Variants in AFG1L observed in about 807,000 individuals in gnomAD.
AFG1L encodes AFG1-like ATPase.
In AFG1L, 53 loss-of-function variants were observed where a neutral mutation model predicts 62.2. That is an observed-to-expected ratio of 0.85 (90% confidence interval 0.68 to 1.07). The LOEUF (loss-of-function observed/expected upper bound fraction) is 1.07. AFG1L is among the 50% of genes least tolerant of loss of function. AFG1L has a pLI of 0.00. For synonymous variants in AFG1L, 228 were observed against 210.3 expected (o/e 1.08, Z -0.73); for missense variants, 555 against 590.5 (o/e 0.94, Z 0.62).
chr6:108,379,466 C>T (rs1028129919), intron 6 of AFG1L, among the ~76,000 whole-genome samples: 9 of 152,220 alleles, frequency 5.9e-5, no homozygotes, highest in South Asian at 2.1e-4. Context: ...TTGCTCCAGG[C>T]GATTAGCTGA....
At chr6:108,492,546 A>G (rs1348134684) in intron 10 of AFG1L, among the ~76,000 whole-genome samples, 1 of 152,222 alleles carries the variant, frequency 6.6e-6, no homozygotes, top group Non-Finnish European at 1.5e-5. Flanking sequence ...AGTCTGGACA[A>G]TCAGATATCA....
At chr6:108,326,820 C>T (rs1409557347) in intron 2 of AFG1L, among the ~76,000 whole-genome samples, 2 of 152,016 alleles carry the variant, frequency 1.3e-5, no homozygotes, top group Non-Finnish European at 2.9e-5. Context: ...ATTAGCCAGG[C>T]GTGGTGGCAG....
intron 8 of AFG1L, among the ~76,000 whole-genome samples, chr6:108,467,812 G>A (rs777436901): frequency 2.0e-5 from 3 of 152,200 alleles, no homozygotes; most frequent in Non-Finnish European, 4.4e-5. Context: ...CACATAAAAT[G>A]TAATAAATAC....
intron 5 of AFG1L, among the ~76,000 whole-genome samples, chr6:108,365,855 ATC>A (rs1472657028): frequency 1.3e-5 from 2 of 151,826 alleles, no homozygotes; most frequent in Non-Finnish European, 2.9e-5. Flanking sequence ...TTATTTTTTC[ATC>A]TCTCTTTTTT....
intron 6 of AFG1L, among the ~76,000 whole-genome samples, chr6:108,389,114 C>A (rs1025658635): frequency 1.3e-5 from 2 of 152,100 alleles, no homozygotes; most frequent in African/African-American, 4.8e-5. Flanking sequence ...TTGAATTGAT[C>A]CCTTTACCAT....
intron 10 of AFG1L, among the ~76,000 whole-genome samples, chr6:108,504,800 C>T (rs1477946468): frequency 1.3e-5 from 2 of 152,176 alleles, no homozygotes; most frequent in African/African-American, 4.8e-5. Context: ...TTGGTATGCA[C>T]TAAGCAATCT....
At chr6:108,407,262 G>T (rs758136848) in intron 7 of AFG1L, among the ~76,000 whole-genome samples, 1 of 152,134 alleles carries the variant, frequency 6.6e-6, no homozygotes, top group African/African-American at 2.4e-5. Context: ...AAAGTTTTAC[G>T]TTTTGTTAAG....
At position 108,301,168 on chromosome 6, in the gene AFG1L, A is replaced by G. The variant is rs116221528; in HGVS notation, c.139+5950A>G. On this transcript the variant is annotated intron_variant, in intron 1 of 12. Coordinates refer to ENST00000368977, the MANE Select transcript of AFG1L (RefSeq NM_145315.5). The stretch of plus-strand genomic sequence containing the variant: ...GTAAGGCCAACCAGGGGTCACTCTC[A>G]TCGCCATCTTGGTTTTGCCTGGCTT... Among the ~76,000 whole-genome samples, 1,468 of 152,248 alleles carry G rather than the reference A, an allele frequency of 9.6e-3. 19 individuals carry two copies. The highest frequency in any genetic ancestry group is 0.034 in the African/African-American group (1,404 of 41,540).
chr6:108,478,531 G>A (rs1773214378), intron 10 of AFG1L, among the ~76,000 whole-genome samples: 1 of 152,242 alleles, frequency 6.6e-6, no homozygotes, highest in South Asian at 2.1e-4. Context: ...GTTAGTGAAA[G>A]TCATTCTGGG....
At chr6:108,311,018 T>C (rs1355425305) in intron 1 of AFG1L, among the ~76,000 whole-genome samples, 2 of 152,172 alleles carry the variant, frequency 1.3e-5, no homozygotes, top group Admixed American at 6.6e-5. Flanking sequence ...TCCAGTATCC[T>C]TCTTTTTGGC....
rs57304886 is a variant in AFG1L, at chr6:108,399,178, G to GTTTTT, written c.749-2794_749-2790dup. Among the ~76,000 whole-genome samples, 63 of 62,232 alleles carry GTTTTT rather than the reference G, an allele frequency of 1.0e-3. 5 individuals are homozygous for GTTTTT. Among genetic ancestry groups the GTTTTT allele is most frequent in the African/African-American group, 4.2e-3 (62 of 14,926 alleles). 40.8% of individuals were successfully genotyped at this position (62,232 alleles called of 152,430 possible). On this transcript the variant is annotated intron_variant, in intron 6 of 12. Transcript: ENST00000368977. The stretch of plus-strand genomic sequence containing the variant: ...CAAAGATCTGTCACTTCTTTTGTTT[G>GTTTTT]TTTTTTTTTTTTTTTTTTTTTTTTT...
chr6:108,321,059 C>T (rs1777795294), intron 1 of AFG1L, among the ~76,000 whole-genome samples: 1 of 152,146 alleles, frequency 6.6e-6, no homozygotes, highest in South Asian at 2.1e-4. Context: ...GATTCTGGCA[C>T]TCTTTATTTG....
chr6:108,307,146 T>C (rs1777229838), intron 1 of AFG1L, among the ~76,000 whole-genome samples: 1 of 151,994 alleles, frequency 6.6e-6, no homozygotes, highest in African/African-American at 2.4e-5. Context: ...CCTGAGTAGC[T>C]GGGATTACAG....
chr6:108,395,515 C>A lies in AFG1L; in HGVS notation c.749-6481C>A, dbSNP rs139011309. Among the ~76,000 whole-genome samples, 32 of 150,812 alleles carry A rather than the reference C, an allele frequency of 2.1e-4. No homozygotes were observed. The East Asian group carries it at 6.3e-3, about 30-fold the overall frequency. On this transcript the variant is annotated intron_variant, in intron 6 of 12. Coordinates refer to ENST00000368977, the MANE Select transcript of AFG1L (RefSeq NM_145315.5). ...CTCTCAGGTTCAGGTGAGCCTCCCA[C>A]CTCATCTTCCTGAGTAGCTGAAGCT...
At chr6:108,332,739 C>T (rs1379531117) in intron 2 of AFG1L, among the ~76,000 whole-genome samples, 1 of 152,060 alleles carries the variant, frequency 6.6e-6, no homozygotes, top group Non-Finnish European at 1.5e-5. Context: ...TCCCCAGTAG[C>T]AGGGACTACA....
At chr6:108,410,342 C>T (rs1054476926) in intron 7 of AFG1L, among the ~76,000 whole-genome samples, 1 of 151,786 alleles carries the variant, frequency 6.6e-6, no homozygotes, top group South Asian at 2.1e-4. Flanking sequence ...TGATGCACAA[C>T]TGAACCTGAA....
intron 11 of AFG1L, among the ~76,000 whole-genome samples, chr6:108,514,115 G>A (rs374313883): frequency 3.3e-5 from 5 of 152,132 alleles, no homozygotes; most frequent in Admixed American, 1.3e-4. Context: ...CCATCTGTAC[G>A]TCACCATCAT....
intron 10 of AFG1L, among the ~76,000 whole-genome samples, chr6:108,478,431 C>T (rs188741944): frequency 6.6e-5 from 10 of 152,266 alleles, no homozygotes; most frequent in East Asian, 5.8e-4. Flanking sequence ...TGCGAGACTC[C>T]GTCTCGAAAA....
intron 7 of AFG1L, among the ~76,000 whole-genome samples, chr6:108,425,008 A>T (rs1321695180): frequency 1.3e-5 from 2 of 152,180 alleles, no homozygotes; most frequent in Non-Finnish European, 2.9e-5. Flanking sequence ...CAGAAAGAGC[A>T]GAGGAAGAAA....
Sources: gnomAD v4.1 joint callset for allele counts (sites outside exome capture counted in the v4.1 genomes callset) on GRCh38, gnomAD v4.1.1 for gene constraint, MANE v1.5 for transcripts, NCBI Gene and HGNC (gene_info 2026-07-23, HGNC 2026-07-21) for gene names.